Variants in GHR observed in about 807,000 individuals in gnomAD.
GHR encodes the protein growth hormone receptor.
In GHR, 35 loss-of-function variants were observed where a neutral mutation model predicts 67.1. The observed-to-expected ratio is 0.52, with a 90% CI of 0.40 to 0.69. The LOEUF is 0.69. GHR is among the 30% of genes least tolerant of loss of function. The pLI is 0.00. For synonymous variants in GHR, 272 were observed against 269.1 expected (o/e 1.01, Z -0.10); for missense variants, 792 against 764.6 (o/e 1.04, Z -0.42).
chr5:42,510,072 C>T (rs912400358), intron 1 of GHR, among the ~76,000 whole-genome samples: 6 of 152,150 alleles, frequency 3.9e-5, no homozygotes, highest in African/African-American at 1.2e-4. Flanking sequence ...CTGCCTCATC[C>T]GTCAGTTATC....
intron 3 of GHR, among the ~76,000 whole-genome samples, chr5:42,636,286 A>G (rs973573077): frequency 6.6e-6 from 1 of 151,910 alleles, no homozygotes; most frequent in Non-Finnish European, 1.5e-5. Flanking sequence ...CAGTATGCCT[A>G]TGTACACTCT....
intron 3 of GHR, among the ~76,000 whole-genome samples, chr5:42,671,836 G>A (rs1230746951): frequency 6.6e-6 from 1 of 151,150 alleles, no homozygotes; most frequent in Non-Finnish European, 1.5e-5. Context: ...GGCGCCTGTA[G>A]TCCCAGCTAC....
intron 1 of GHR, chr5:42,549,551 G>A: frequency 2.6e-6 from 1 of 385,820 alleles, no homozygotes; most frequent in Non-Finnish European, 3.6e-6. Context: ...TTGAGCTGAG[G>A]TTTAGGGGAA....
At chr5:42,627,971 T>C (rs2112740279) in intron 2 of GHR, among the ~76,000 whole-genome samples, 1 of 152,178 alleles carries the variant, frequency 6.6e-6, no homozygotes, top group South Asian at 2.1e-4. Context: ...CTCAGCAAGA[T>C]GGATGGGGAG....
intron 3 of GHR, among the ~76,000 whole-genome samples, chr5:42,641,089 CAT>C (rs1307986101): frequency 6.6e-6 from 1 of 151,852 alleles, no homozygotes; most frequent in Non-Finnish European, 1.5e-5. Flanking sequence ...AAAATGTACA[CAT>C]TGTTTGGCAC....
At chr5:42,703,941 T>C (rs548955792) in intron 6 of GHR, among the ~76,000 whole-genome samples, 9 of 152,050 alleles carry the variant, frequency 5.9e-5, no homozygotes, top group African/African-American at 9.6e-5. Context: ...AATTTTTTGT[T>C]GAAGTCTTTA....
At chr5:42,463,947 C>T (rs1744602547) in intron 1 of GHR, among the ~76,000 whole-genome samples, 1 of 134,886 alleles carries the variant, frequency 7.4e-6, no homozygotes, top group Non-Finnish European at 1.5e-5. Context: ...GAGCCGAGAT[C>T]CCGCCACTGC....
intron 1 of GHR, among the ~76,000 whole-genome samples, chr5:42,429,330 G>A (rs771360494): frequency 9.2e-5 from 14 of 152,252 alleles, no homozygotes; most frequent in Non-Finnish European, 1.0e-4. Context: ...ACCTCCCACT[G>A]GGTTCCTCCC....
intron 1 of GHR, among the ~76,000 whole-genome samples, chr5:42,463,693 C>A (rs1744585105): frequency 6.6e-6 from 1 of 152,178 alleles, no homozygotes; most frequent in Admixed American, 6.5e-5. Flanking sequence ...ACGGAAAATA[C>A]CTTAGAAATA....
intron 3 of GHR, among the ~76,000 whole-genome samples, chr5:42,662,816 A>G (rs973301487): frequency 2.0e-5 from 3 of 152,208 alleles, no homozygotes; most frequent in East Asian, 3.8e-4. Context: ...TGAATCCAGG[A>G]GCTGGTTTTT....
At chr5:42,577,073 G>A (rs571374539) in intron 2 of GHR, among the ~76,000 whole-genome samples, 7 of 152,216 alleles carry the variant, frequency 4.6e-5, no homozygotes, top group Non-Finnish European at 1.0e-4. Flanking sequence ...TTATCTGAAA[G>A]TAGAATGAAT....
chr5:42,668,937 C>T (rs1360640817), intron 3 of GHR, among the ~76,000 whole-genome samples: 4 of 152,102 alleles, frequency 2.6e-5, no homozygotes. Flanking sequence ...GAGTCAGGAA[C>T]TATTTGTATA....
At chr5:42,574,913 A>G (rs1026928406) in intron 2 of GHR, among the ~76,000 whole-genome samples, 2 of 152,220 alleles carry the variant, frequency 1.3e-5, no homozygotes, top group African/African-American at 4.8e-5. Context: ...ATTCCAGGCT[A>G]AAATGAGGAG....
intron 1 of GHR, among the ~76,000 whole-genome samples, chr5:42,537,777 G>A (rs1320532417): frequency 1.3e-5 from 2 of 152,096 alleles, no homozygotes; most frequent in Admixed American, 6.6e-5. Context: ...CACTATTATT[G>A]TGTTGCTGTT....
intron 2 of GHR, among the ~76,000 whole-genome samples, chr5:42,589,528 A>T (rs1751666152): frequency 6.6e-6 from 1 of 152,158 alleles, no homozygotes; most frequent in Non-Finnish European, 1.5e-5. Context: ...GACAAAATTT[A>T]CCTCAGCTTA....
chr5:42,471,220 T>A (rs924110704), intron 1 of GHR, among the ~76,000 whole-genome samples: 1 of 152,180 alleles, frequency 6.6e-6, no homozygotes, highest in Non-Finnish European at 1.5e-5. Flanking sequence ...TGGCAATAGG[T>A]CAACTGGCTT....
intron 2 of GHR, among the ~76,000 whole-genome samples, chr5:42,624,283 G>A (rs1187565933): frequency 6.6e-6 from 1 of 152,120 alleles, no homozygotes; most frequent in Non-Finnish European, 1.5e-5. Context: ...CCAGAGCTTT[G>A]GCTCTGCACT....
At chr5:42,644,126 G>A (rs1414156606) in intron 3 of GHR, among the ~76,000 whole-genome samples, 4 of 152,022 alleles carry the variant, frequency 2.6e-5, no homozygotes, top group African/African-American at 9.7e-5. Flanking sequence ...AAAATATTTA[G>A]GTATGCTGTC....
At chr5:42,508,261 G>C (rs953262318) in intron 1 of GHR, among the ~76,000 whole-genome samples, 1 of 152,162 alleles carries the variant, frequency 6.6e-6, no homozygotes, top group African/African-American at 2.4e-5. Flanking sequence ...ACCAAAGGGG[G>C]CCTTTCCCAA....
Sources: allele counts gnomAD v4.1 joint callset (sites outside exome capture counted in the v4.1 genomes callset), GRCh38; gene constraint gnomAD v4.1.1; transcripts MANE v1.5; gene names NCBI Gene and HGNC (gene_info 2026-07-23, HGNC 2026-07-21).